PODXL2: variants seen among roughly 807,000 people sequenced by gnomAD.
PODXL2 encodes podocalyxin like 2.
In PODXL2, 17 loss-of-function variants were observed where a neutral mutation model predicts 53.4. That is an observed-to-expected ratio of 0.32 (90% CI 0.22 to 0.48). The LOEUF is 0.48. Among genes scored for constraint, PODXL2 ranks in the 20% least tolerant of loss-of-function variants. The probability of loss-of-function intolerance (pLI) is 0.99; values close to 1 mark genes in which losing one functional copy is unlikely to be tolerated. For missense variants in PODXL2, 673 were observed against 760.0 expected, an observed-to-expected ratio of 0.89 and a Z score of 1.35; for synonymous variants, 311 against 306.7, an observed-to-expected ratio of 1.01 and a Z score of -0.15.
In PODXL2 at chr3:127,661,174, A is replaced by T. The variant is rs765940359; in HGVS notation, c.1131+15A>T. The stretch of plus-strand genomic sequence containing the variant: ...ATTCTACGCAGGTAAAGTGAGGGGC[A>T]TGCGGGCCACCACCCTGTACCTTCT... On this transcript the variant is annotated intron_variant, in intron 3 of 7. Transcript: ENST00000342480. 1.3e-6 allele frequency: 2 copies of T among 1,593,844 alleles called. No individual in the cohort carries two copies. Among genetic ancestry groups the T allele is most frequent in the Non-Finnish European group, 1.7e-6 (2 of 1,162,958 alleles).
chr3:127,640,188 C>T (rs775830200), intron 2 of PODXL2, among the ~76,000 whole-genome samples: 6 of 152,232 alleles, frequency 3.9e-5, no homozygotes, highest in Admixed American at 6.5e-5. Flanking sequence ...CAGATGCAGG[C>T]ATGGCCCCTC....
chr3:127,668,101 CGTGTGTGTGTGTGT>C (rs55716588), intron 4 of PODXL2, among the ~76,000 whole-genome samples: 2,431 of 145,852 alleles, frequency 0.017, 23 homozygotes, highest in Non-Finnish European at 0.023. Flanking sequence ...TACATGGCTG[CGTGTGTGTGTGTGT>C]GTGTGTGTGT....
intron 1 of PODXL2, among the ~76,000 whole-genome samples, chr3:127,632,830 A>G (rs2074555209): frequency 6.6e-6 from 1 of 152,230 alleles, no homozygotes; most frequent in African/African-American, 2.4e-5. Context: ...TTGGCACAGA[A>G]TAGGAGCTCA....
intron 2 of PODXL2, among the ~76,000 whole-genome samples, chr3:127,651,146 C>A (rs1274660561): frequency 2.0e-5 from 3 of 152,134 alleles, no homozygotes; most frequent in Non-Finnish European, 4.4e-5. Context: ...CACTTTAATC[C>A]CAGCTACTCG....
intron 3 of PODXL2, 94 bp downstream of exon 3, chr3:127,661,253 A>C: frequency 4.3e-6 from 4 of 931,838 alleles, no homozygotes; most frequent in Non-Finnish European, 6.5e-6. Context: ...AGGATCTGCC[A>C]GGTTGAGGAG....
At chr3:127,645,657 T>C (rs2074647765) in intron 2 of PODXL2, among the ~76,000 whole-genome samples, 1 of 152,210 alleles carries the variant, frequency 6.6e-6, no homozygotes, top group African/African-American at 2.4e-5. Flanking sequence ...GGCCCTGAAA[T>C]CAGGCTAGTG....
chr3:127,663,577 G>A (rs1443358938), intron 4 of PODXL2, among the ~76,000 whole-genome samples: 2 of 152,340 alleles, frequency 1.3e-5, no homozygotes, highest in South Asian at 2.1e-4. Flanking sequence ...TAAGTGATGT[G>A]TGTTTTCATC....
At chr3:127,640,695 C>G (rs916364200) in intron 2 of PODXL2, among the ~76,000 whole-genome samples, 1 of 110,486 alleles carries the variant, frequency 9.1e-6, no homozygotes, top group Non-Finnish European at 2.1e-5. Context: ...GAACAAAACT[C>G]TATCTCAAAA....
chr3:127,671,366 C>G, intron 6 of PODXL2, 68 bp from the exon 7 acceptor site: 1 of 1,484,094 alleles, frequency 6.7e-7, no homozygotes, highest in South Asian at 1.2e-5. Flanking sequence ...GAGCCCAATG[C>G]AACCACCCCA....
rs768207325 is a variant in PODXL2 at position 127,662,211 on chromosome 3, G to A, written c.1132-26G>A. ...CCTTTCCTATGCCTTCGTAACTGTC[G>A]CCCTTCTTTCTGTCTCCTCGCACAG... On this transcript the variant is annotated intron_variant, in intron 3 of 7. Transcript: ENST00000342480. The A allele has an allele frequency of 1.5e-5, 24 of 1,603,408 alleles. No homozygotes were observed. The South Asian group carries it at 2.2e-4, about 15-fold the overall frequency.
intron 2 of PODXL2, among the ~76,000 whole-genome samples, chr3:127,647,346 A>G (rs2074662879): frequency 6.6e-6 from 1 of 152,184 alleles, no homozygotes; most frequent in Admixed American, 6.5e-5. Flanking sequence ...GCAGTCTCTC[A>G]GGTTACCTAC....
chr3:127,634,834 T>A (rs551347339), intron 1 of PODXL2, among the ~76,000 whole-genome samples: 2 of 152,192 alleles, frequency 1.3e-5, no homozygotes, highest in Non-Finnish European at 2.9e-5. Context: ...GTCAGAAGAC[T>A]CGGGTGACTC....
chr3:127,655,132 G>A (rs1178096046), intron 2 of PODXL2, among the ~76,000 whole-genome samples: 6 of 151,856 alleles, frequency 4.0e-5, no homozygotes, highest in South Asian at 2.1e-4. Flanking sequence ...TAGTAGAGAC[G>A]GGATTTCACC....
intron 2 of PODXL2, among the ~76,000 whole-genome samples, chr3:127,654,873 A>C (rs925747967): frequency 1.3e-5 from 2 of 152,146 alleles, no homozygotes; most frequent in African/African-American, 4.8e-5. Flanking sequence ...AATCCACCTG[A>C]AGTCAGGAGT....
chr3:127,652,134 T>G (rs2107709302), intron 2 of PODXL2, among the ~76,000 whole-genome samples: 1 of 152,324 alleles, frequency 6.6e-6, no homozygotes, highest in Admixed American at 6.5e-5. Flanking sequence ...CACAAGAGTC[T>G]AAGAGTCTTA....
intron 4 of PODXL2, among the ~76,000 whole-genome samples, chr3:127,666,798 T>C (rs2074797015): frequency 6.6e-6 from 1 of 152,216 alleles, no homozygotes; most frequent in East Asian, 1.9e-4. Flanking sequence ...GTATGAAATC[T>C]GCAGTCATCA....
intron 3 of PODXL2, among the ~76,000 whole-genome samples, chr3:127,661,926 G>GC (rs146139440): frequency 0.05 from 7,597 of 152,166 alleles, 611 homozygotes; most frequent in African/African-American, 0.17. Flanking sequence ...CAATAAACTT[G>GC]CCCTTGAAAG....
intron 2 of PODXL2, among the ~76,000 whole-genome samples, chr3:127,647,532 C>T (rs1287828246): frequency 6.6e-6 from 1 of 152,222 alleles, no homozygotes; most frequent in Non-Finnish European, 1.5e-5. Flanking sequence ...CAGACAGGCT[C>T]ACGGGCCTGT....
intron 2 of PODXL2, among the ~76,000 whole-genome samples, chr3:127,645,089 T>C (rs1251322122): frequency 2.0e-5 from 3 of 152,242 alleles, no homozygotes; most frequent in Non-Finnish European, 2.9e-5. Context: ...GCTGAACTTA[T>C]TAGCATGGCA....
Sources: gnomAD v4.1 joint callset for allele counts (sites outside exome capture counted in the v4.1 genomes callset) on GRCh38, gnomAD v4.1.1 for gene constraint, MANE v1.5 for transcripts, NCBI Gene and HGNC (gene_info 2026-07-23, HGNC 2026-07-21) for gene names.